The following CHL1 variants were observed in gnomAD, a reference collection of about 807,000 sequenced individuals.
CHL1 encodes cell adhesion molecule L1 like, also known as neural cell adhesion molecule L1-like protein.
In CHL1, 96 loss-of-function variants were observed where a neutral mutation model predicts 141.9. The observed-to-expected ratio is 0.68, with a 90% CI of 0.57 to 0.80. The LOEUF (loss-of-function observed/expected upper bound fraction) is 0.80. CHL1 is among the 30% of genes least tolerant of loss of function. The probability of loss-of-function intolerance (pLI) is 0.00; values close to 1 mark genes in which losing one functional copy is unlikely to be tolerated. For missense variants in CHL1, 1,820 were observed against 1,457.2 expected, an observed-to-expected ratio of 1.25 and a Z score of -4.05; for synonymous variants, 613 against 502.2, an observed-to-expected ratio of 1.22 and a Z score of -2.95.
At chr3:197,679 C>G (rs895414611) in intron 1 of CHL1, 1 of 402,870 alleles carries the variant, frequency 2.5e-6, no homozygotes, top group Non-Finnish European at 4.9e-6. Context: ...AATCCATGGA[C>G]CGTGGGGTTG....
chr3:273,865 C>T (rs1695853777), intron 2 of CHL1, among the ~76,000 whole-genome samples: 1 of 152,110 alleles, frequency 6.6e-6, no homozygotes, highest in South Asian at 2.1e-4. Context: ...TGTAATGTTC[C>T]ATGCTGTAAC....
chr3:251,371 G>A lies in CHL1; in HGVS notation c.-95+6679G>A, dbSNP rs13326388. ...TCCAGCTTTAACTCAGCAACTTTTC[G>A]GTTGAAGATTTGGACAAACTAGTCA... On this transcript the variant is annotated intron_variant, in intron 2 of 27. Coordinates refer to ENST00000256509, the MANE Select transcript of CHL1 (RefSeq NM_006614.4). Among the ~76,000 whole-genome samples, 1,074 of 152,160 alleles carry A rather than the reference G, an allele frequency of 7.1e-3. 6 individuals are homozygous for A. The highest frequency in any genetic ancestry group is 0.023 in the African/African-American group (964 of 41,518).
intron 5 of CHL1, among the ~76,000 whole-genome samples, chr3:335,202 C>T (rs1006531273): frequency 1.3e-5 from 2 of 152,152 alleles, no homozygotes; most frequent in African/African-American, 4.8e-5. Flanking sequence ...GCTAAATTCT[C>T]CTAAGTGCAA....
At chr3:288,300 T>C (rs1378442777) in intron 2 of CHL1, among the ~76,000 whole-genome samples, 1 of 152,122 alleles carries the variant, frequency 6.6e-6, no homozygotes, top group Non-Finnish European at 1.5e-5. Context: ...GTCATCATAT[T>C]AAACTTTTGC....
chr3:386,682 G>A (rs1707749299), intron 19 of CHL1, among the ~76,000 whole-genome samples: 1 of 152,080 alleles, frequency 6.6e-6, no homozygotes, highest in Non-Finnish European at 1.5e-5. Flanking sequence ...TGGGAAGCAG[G>A]AACATCTTTA....
At chr3:276,633 T>A (rs1173157580) in intron 2 of CHL1, among the ~76,000 whole-genome samples, 3 of 151,694 alleles carry the variant, frequency 2.0e-5, no homozygotes, top group South Asian at 4.2e-4. Flanking sequence ...CTCACACCTG[T>A]AATCCCAGCA....
At chr3:372,468 T>C (rs914912081) in intron 15 of CHL1, among the ~76,000 whole-genome samples, 1 of 152,164 alleles carries the variant, frequency 6.6e-6, no homozygotes, top group African/African-American at 2.4e-5. Context: ...AGGTCATTTA[T>C]ATTCCTCTCT....
chr3:351,216 A>T (rs559898750), intron 10 of CHL1, among the ~76,000 whole-genome samples: 1 of 152,348 alleles, frequency 6.6e-6, no homozygotes, highest in Non-Finnish European at 1.5e-5. Context: ...TTAATTATGC[A>T]ATTTAAAATG....
chr3:322,784 C>T (rs1000634972), intron 3 of CHL1, among the ~76,000 whole-genome samples: 1 of 150,108 alleles, frequency 6.7e-6, no homozygotes, highest in Admixed American at 6.7e-5. Context: ...GTTGAGGCTG[C>T]AGTGAGCCAT....
At chr3:212,141 C>G (rs905369270) in intron 1 of CHL1, among the ~76,000 whole-genome samples, 2 of 151,948 alleles carry the variant, frequency 1.3e-5, no homozygotes, top group African/African-American at 4.8e-5. Context: ...GTGGTAGAGG[C>G]TGGTGGTGAG....
chr3:203,517 G>A (rs1699137162), intron 1 of CHL1, among the ~76,000 whole-genome samples: 1 of 152,168 alleles, frequency 6.6e-6, no homozygotes, highest in South Asian at 2.1e-4. Context: ...GGTAATTAAG[G>A]GACCTTAAAG....
At chr3:324,225 A>G (rs991091540) in intron 3 of CHL1, among the ~76,000 whole-genome samples, 1 of 152,098 alleles carries the variant, frequency 6.6e-6, no homozygotes, top group Non-Finnish European at 1.5e-5. Flanking sequence ...GTCCAATGTC[A>G]CAGGTTTTAG....
At position 255,389 on chromosome 3, in the gene CHL1, T is replaced by A. The variant is rs114140178; in HGVS notation, c.-95+10697T>A. 3.8e-3 allele frequency among the ~76,000 whole-genome samples: 583 copies of A among 152,318 alleles called. 1 individual carries two copies. The highest frequency in any genetic ancestry group is 0.013 in the African/African-American group (538 of 41,580). Reference sequence around the variant, plus strand: ...ACGTTTTAAGTGATTATGATTTCTATGCTGCATTGACTTACAATTAGAGAT... The same window carrying A: ...ACGTTTTAAGTGATTATGATTTCTAAGCTGCATTGACTTACAATTAGAGAT... On this transcript the variant is annotated intron_variant, in intron 2 of 27. Coordinates refer to ENST00000256509, the MANE Select transcript of CHL1 (RefSeq NM_006614.4).
chr3:313,532 T>C (rs1314424920), intron 2 of CHL1, among the ~76,000 whole-genome samples: 1 of 152,188 alleles, frequency 6.6e-6, no homozygotes, highest in East Asian at 1.9e-4. Flanking sequence ...AAAGGTTTTG[T>C]GTAAACATGA....
chr3:364,902 C>T (rs544407503), intron 14 of CHL1, among the ~76,000 whole-genome samples: 3 of 152,108 alleles, frequency 2.0e-5, no homozygotes, highest in Admixed American at 1.3e-4. Context: ...CTTAGCAGAG[C>T]CCTGATAGAG....
At chr3:345,463 TTTAA>T (rs765264408) in intron 9 of CHL1, among the ~76,000 whole-genome samples, 1,359 of 83,992 alleles carry the variant, frequency 0.016, 14 homozygotes, top group South Asian at 0.057. Flanking sequence ...TATTTATTTA[TTTAA>T]TTATTTATTC....
chr3:241,032 A>G (rs938576378), intron 1 of CHL1, among the ~76,000 whole-genome samples: 1 of 152,128 alleles, frequency 6.6e-6, no homozygotes, highest in Non-Finnish European at 1.5e-5. Flanking sequence ...ATGTTTTATT[A>G]TGGTGCCAGG....
At chr3:374,173 G>C (rs2125342753) in intron 15 of CHL1, 1 of 151,870 alleles carries the variant, frequency 6.6e-6, no homozygotes, top group Admixed American at 6.6e-5. Context: ...TCTATGCAAA[G>C]GCATTGGTCT....
intron 1 of CHL1, among the ~76,000 whole-genome samples, chr3:202,142 CT>C (rs1699006734): frequency 6.6e-6 from 1 of 152,164 alleles, no homozygotes; most frequent in African/African-American, 2.4e-5. Flanking sequence ...CTAGTTTCTT[CT>C]TTAGAAACGG....
Sources: gnomAD v4.1 joint callset for allele counts (sites outside exome capture counted in the v4.1 genomes callset) on GRCh38, gnomAD v4.1.1 for gene constraint, MANE v1.5 for transcripts, NCBI Gene and HGNC (gene_info 2026-07-23, HGNC 2026-07-21) for gene names.